The following LOXL3 variants were observed in gnomAD, a reference collection of about 807,000 sequenced individuals.
The protein encoded by LOXL3 is lysyl oxidase like 3.
Under a neutral mutation model 91.8 loss-of-function variants are expected in LOXL3, and 60 were observed. The ratio of observed to expected loss-of-function variants is 0.65; its 90% CI spans 0.53 to 0.81. The LOEUF is 0.81. LOXL3 is among the 30% of genes least tolerant of loss of function. The probability of loss-of-function intolerance (pLI) is 0.00; values close to 1 mark genes in which losing one functional copy is unlikely to be tolerated. For missense variants in LOXL3, 874 were observed against 1,000.4 expected (o/e 0.87, Z 1.70); for synonymous variants, 355 against 387.6 (o/e 0.92, Z 0.99).
rs151091541 is a variant in LOXL3 at position 74,538,939 on chromosome 2, T to C, written c.693-2011A>G. On this transcript the variant is annotated intron_variant, in intron 4 of 13. Coordinates refer to ENST00000264094, the MANE Select transcript of LOXL3 (RefSeq NM_032603.5). Reference sequence around the variant, plus strand: ...TTCCTGAGACCAAGGTAAGGACCAGTCTTGCGTAACACTTCAGTAAATGCC... The same window carrying C: ...TTCCTGAGACCAAGGTAAGGACCAGCCTTGCGTAACACTTCAGTAAATGCC... Among the ~76,000 whole-genome samples the C allele has an allele frequency of 3.0e-4, 45 of 152,304 alleles. No individual in the cohort carries two copies. The East Asian group carries it at 8.7e-3, about 29-fold the overall frequency.
In LOXL3 at chr2:74,533,955, G is replaced by A; in HGVS notation, c.2115C>T (p.Asp705=). ...INPNFEVAES[D]FTNNAMKCNC... ...TACATTTCATTGCATTGTTGGTAAA[G>A]TCACTCTCTGCTACTTCAAAGTTTG... The change falls in exon 13 of 14, where the codon GAC becomes GAT. Residue 705 remains aspartate, a synonymous_variant. Coordinates refer to ENST00000264094, the MANE Select transcript of LOXL3 (RefSeq NM_032603.5). 6.2e-7 allele frequency: 1 copy of A among 1,614,182 alleles called. No individual in the cohort carries two copies. The highest frequency in any genetic ancestry group is 8.5e-7 in the Non-Finnish European group (1 of 1,180,026).
upstream of LOXL3, chr2:74,555,522 A>AC: frequency 6.2e-7 from 1 of 1,612,706 alleles, no homozygotes; most frequent in East Asian, 2.2e-5. The surrounding 1 kb of genome is among the most constrained non-coding windows in gnomAD (Gnocchi z 6.1). Flanking sequence ...CCTCAGACCG[A>AC]CCCCCGCTCC....
intron 2 of LOXL3, 37 bp downstream of exon 2, chr2:74,552,285 T>C (rs754048567): frequency 3.8e-6 from 6 of 1,565,284 alleles, no homozygotes; most frequent in South Asian, 1.2e-5. Context: ...TGGCCACACA[T>C]AGGAAATATC....
At chr2:74,537,199 G>T (rs892764829) in intron 4 of LOXL3, among the ~76,000 whole-genome samples, 1 of 152,212 alleles carries the variant, frequency 6.6e-6, no homozygotes, top group South Asian at 2.1e-4. Flanking sequence ...GTCTCGACTT[G>T]CCTGGAAGAA....
At chr2:74,543,516 G>A (rs1676435516) in intron 4 of LOXL3, among the ~76,000 whole-genome samples, 1 of 151,996 alleles carries the variant, frequency 6.6e-6, no homozygotes, top group South Asian at 2.1e-4. Context: ...CAATAACCAA[G>A]TCCTGTCAAT....
chr2:74,532,827 C>T lies in LOXL3; in HGVS notation c.*779G>A, dbSNP rs1675717130. On this transcript the variant is annotated 3_prime_UTR_variant, in exon 14 of 14. Coordinates refer to ENST00000264094, the MANE Select transcript of LOXL3 (RefSeq NM_032603.5). ...GTCCATTTTTCTCTATAGGGCTGGT[C>T]TGCGGCCTGGTGATGTGATTTTGGC... is the stretch of plus-strand genomic sequence containing the variant. 1 of 1,614,104 alleles carries T rather than the reference C, an allele frequency of 6.2e-7. No homozygotes were observed. Among genetic ancestry groups the T allele is most frequent in the Non-Finnish European group, 8.5e-7 (1 of 1,180,034 alleles).
In LOXL3 at chr2:74,535,827, G is replaced by A; in HGVS notation, c.1249-72C>T. 1 of 1,497,212 alleles carries A rather than the reference G, an allele frequency of 6.7e-7. No homozygotes were observed. Among genetic ancestry groups the A allele is most frequent in the Non-Finnish European group, 8.9e-7 (1 of 1,121,954 alleles). 92.7% of individuals were successfully genotyped at this position (1,497,212 alleles called of 1,614,324 possible). A position where few individuals can be genotyped will look rare whatever the true frequency, so the allele number is the denominator to read the frequency against. ...GTAGTGGGAGTCTCTAACAGATGTGGCTGAAGCGTGACTCAGGCACATAAT... is the reference window on the plus strand; with the variant it reads ...GTAGTGGGAGTCTCTAACAGATGTGACTGAAGCGTGACTCAGGCACATAAT... On this transcript the variant is annotated intron_variant, in intron 7 of 13. Coordinates refer to ENST00000264094, the MANE Select transcript of LOXL3 (RefSeq NM_032603.5). This position sits in a 1 kb window ranked among gnomAD's most constrained non-coding sequence, Gnocchi z 4.2.
At position 74,549,882 on chromosome 2, in the gene LOXL3, A is replaced by T; in HGVS notation, c.478-299T>A. The stretch of plus-strand genomic sequence containing the variant: ...AGGAAATGGCTTTGAAGGAGGAGAA[A>T]GTCAGAAGGAAGATGTCTCAGGAAA... On this transcript the variant is annotated intron_variant, in intron 3 of 13. Transcript: ENST00000264094. This position sits in a 1 kb window ranked among gnomAD's most constrained non-coding sequence, Gnocchi z 5.3. The T allele has an allele frequency of 1.0e-6, 1 of 985,476 alleles. No homozygotes were observed. The highest frequency in any genetic ancestry group is 1.2e-6 in the Non-Finnish European group (1 of 829,942). 61.0% of individuals were successfully genotyped at this position (985,476 alleles called of 1,614,324 possible). A position where few individuals can be genotyped will look rare whatever the true frequency, so the allele number is the denominator to read the frequency against.
upstream of LOXL3, chr2:74,554,442 C>A (rs1677244060): frequency 6.6e-6 from 3 of 455,042 alleles, no homozygotes; most frequent in East Asian, 4.2e-5. The surrounding 1 kb of genome is among the most constrained non-coding windows in gnomAD (Gnocchi z 4.9). Context: ...CTGACGTCAC[C>A]TTGGGCATAT....
Position 74,532,796 on chromosome 2 carries a change from C to A in LOXL3, c.*810G>T. The A allele has an allele frequency of 6.2e-7, 1 of 1,614,068 alleles. No individual in the cohort carries two copies. The highest frequency in any genetic ancestry group is 8.5e-7 in the Non-Finnish European group (1 of 1,179,996). On this transcript the variant is annotated 3_prime_UTR_variant, in exon 14 of 14. Transcript: ENST00000264094. ...AACTAGGCTTTGTACTCCTTCCTTT[C>A]TCTCTGTCCATTTTTCTCTATAGGG...
rs778142768 is a variant in LOXL3, at chr2:74,536,662, G to T, written c.912+47C>A. On this transcript the variant is annotated intron_variant, in intron 5 of 13. Transcript: ENST00000264094. The surrounding 1 kb of genome is among the most constrained non-coding windows in gnomAD (Gnocchi z 4.5). ...CTTAGTCTGGGGTTGCCAGGCTAGG[G>T]GTTCTCCACCTGGGGTGGGAAAGGT... is the stretch of plus-strand genomic sequence containing the variant. 3.1e-6 allele frequency: 5 copies of T among 1,588,114 alleles called. No individual in the cohort carries two copies. The highest frequency in any genetic ancestry group is 1.7e-5 in the Admixed American group (1 of 59,678).
intron 4 of LOXL3, among the ~76,000 whole-genome samples, chr2:74,546,483 G>T (rs558935870): frequency 5.3e-5 from 8 of 152,118 alleles, no homozygotes; most frequent in African/African-American, 1.9e-4. Flanking sequence ...CTCAGCTCCA[G>T]CCACAGTGGC....
rs2104442590 is a variant in LOXL3, at chr2:74,549,710, TGA to T, written c.478-129_478-128del. 3 of 1,446,562 alleles carry T rather than the reference TGA, an allele frequency of 2.1e-6. No individual in the cohort carries two copies. The highest frequency in any genetic ancestry group is 2.7e-6 in the Non-Finnish European group (3 of 1,097,122). The allele number at this position is 1,446,562 out of a possible 1,614,324, so 89.6% of individuals were successfully genotyped here. A position where few individuals can be genotyped will look rare whatever the true frequency, so the allele number is the denominator to read the frequency against. ...TGGCGGGATGGGCCCGAGGCGGCGC[TGA>T]GAGAGCGGCCACGATGGCCGCAGTC... On this transcript the variant is annotated intron_variant, in intron 3 of 13. Transcript: ENST00000264094. The surrounding 1 kb of genome is among the most constrained non-coding windows in gnomAD (Gnocchi z 5.3).
upstream of LOXL3, chr2:74,554,825 G>A: frequency 1.2e-6 from 2 of 1,613,884 alleles, no homozygotes; most frequent in South Asian, 1.1e-5. This position sits in a 1 kb window ranked among gnomAD's most constrained non-coding sequence, Gnocchi z 4.9. Context: ...GTAGTCTGGC[G>A]CATGGATGCC....
At chr2:74,538,511 A>T (rs2104405655) in intron 4 of LOXL3, among the ~76,000 whole-genome samples, 1 of 152,324 alleles carries the variant, frequency 6.6e-6, no homozygotes, top group Admixed American at 6.5e-5. Context: ...CCTTTTGAAG[A>T]CAAGTTAGAT....
rs1675962713 is a variant in LOXL3, at chr2:74,535,501, T to C, written c.1417-47A>G. 4 of 1,612,180 alleles carry C rather than the reference T, an allele frequency of 2.5e-6. No homozygotes were observed. Among genetic ancestry groups the C allele is most frequent in the Non-Finnish European group, 3.4e-6 (4 of 1,179,524 alleles). On this transcript the variant is annotated intron_variant, in intron 8 of 13. Coordinates refer to ENST00000264094, the MANE Select transcript of LOXL3 (RefSeq NM_032603.5). The surrounding 1 kb of genome is among the most constrained non-coding windows in gnomAD (Gnocchi z 4.2). ...TCTGTAAGGCCCAGGATCCAGCATC[T>C]TGGGCCAAGGGACTCATTCCTCAGC...
chr2:74,540,473 G>A (rs1676264270), intron 4 of LOXL3, among the ~76,000 whole-genome samples: 2 of 152,186 alleles, frequency 1.3e-5, no homozygotes, highest in African/African-American at 4.8e-5. Context: ...TCAGGCCTGA[G>A]GCCGCTGGAC....
At chr2:74,540,656 A>C (rs1676273453) in intron 4 of LOXL3, among the ~76,000 whole-genome samples, 1 of 149,512 alleles carries the variant, frequency 6.7e-6, no homozygotes, top group East Asian at 1.9e-4. Context: ...GGAAATAAAT[A>C]ATTTTTCCTT....
In LOXL3 at chr2:74,534,101, T is replaced by C; in HGVS notation, c.2075A>G (p.Gln692Arg). The change falls in exon 12 of 14, where the codon CAG becomes CGG. Residue 692 changes from glutamine (Q) to arginine (R), a missense_variant and splice_region_variant. By Grantham distance (43) the Gln-to-Arg change is conservative. Coordinates refer to ENST00000264094, the MANE Select transcript of LOXL3 (RefSeq NM_032603.5). ...TDVKPGNYIL[Q>R]VVINPNFEVA... ...CTGGAAGCCCCAGACTCCAGGTACCTGGAGAATGTAGTTTCCTGGCTTCAC... is the reference window on the plus strand; with the variant it reads ...CTGGAAGCCCCAGACTCCAGGTACCCGGAGAATGTAGTTTCCTGGCTTCAC... 6.2e-7 allele frequency: 1 copy of C among 1,614,112 alleles called. No homozygotes were observed. The highest frequency in any genetic ancestry group is 8.5e-7 in the Non-Finnish European group (1 of 1,179,994).
Sources: allele counts gnomAD v4.1 joint callset (sites outside exome capture counted in the v4.1 genomes callset), GRCh38; gene constraint gnomAD v4.1.1; non-coding constraint Gnocchi (gnomAD v3.1); transcripts MANE v1.5; gene names NCBI Gene and HGNC (gene_info 2026-07-23, HGNC 2026-07-21).